The following HFM1 variants were observed in gnomAD, a reference collection of about 807,000 sequenced individuals.
HFM1 encodes probable ATP-dependent DNA helicase HFM1.
HFM1 carries 169 observed loss-of-function variants against 192.1 expected under a neutral mutation model. That is an observed-to-expected ratio of 0.88 (90% CI 0.78 to 1.00). The LOEUF is 1.00. HFM1 is among the 50% of genes least tolerant of loss of function. HFM1 has a pLI of 0.00. For missense variants in HFM1, 1,661 were observed against 1,668.0 expected (o/e 1.00, Z 0.07); for synonymous variants, 525 against 537.8 (o/e 0.98, Z 0.33).
chr1:91,264,021 A>C (rs1255269546), intron 36 of HFM1, among the ~76,000 whole-genome samples: 3 of 152,144 alleles, frequency 2.0e-5, no homozygotes, highest in Non-Finnish European at 4.4e-5. Flanking sequence ...ATATCCGTTT[A>C]TTCTATGTCA....
intron 13 of HFM1, among the ~76,000 whole-genome samples, chr1:91,355,532 T>C (rs1476656633): frequency 2.0e-5 from 3 of 152,166 alleles, no homozygotes; most frequent in African/African-American, 7.2e-5. Context: ...GAAAATATTC[T>C]ACATAAATAG....
chr1:91,386,886 C>A (rs1474793966), intron 4 of HFM1, among the ~76,000 whole-genome samples: 1 of 152,082 alleles, frequency 6.6e-6, no homozygotes, highest in Non-Finnish European at 1.5e-5. Flanking sequence ...GTGTATCCCC[C>A]CAAAAAGGAA....
At chr1:91,396,598 G>A (rs938469296) in intron 2 of HFM1, among the ~76,000 whole-genome samples, 193 bp from the exon 3 acceptor site, 2 of 152,026 alleles carry the variant, frequency 1.3e-5, no homozygotes, top group East Asian at 1.9e-4. Context: ...TAATGATACC[G>A]CTGTGTGAGA....
At chr1:91,345,084 T>C (rs1480185387) in intron 19 of HFM1, among the ~76,000 whole-genome samples, 1 of 152,112 alleles carries the variant, frequency 6.6e-6, no homozygotes, top group Non-Finnish European at 1.5e-5. Context: ...TATTTTGATA[T>C]AGAGTAAGGC....
chr1:91,356,559 G>T (rs775510956), intron 13 of HFM1, among the ~76,000 whole-genome samples: 4 of 151,558 alleles, frequency 2.6e-5, no homozygotes, highest in Admixed American at 6.6e-5. Context: ...GCTAGCAAAA[G>T]AACAAACTAA....
Position 91,323,106 on chromosome 1 carries a change from G to T in HFM1, c.2521C>A (p.Arg841=). 1 of 1,549,694 alleles carries T rather than the reference G, an allele frequency of 6.5e-7. No individual in the cohort carries two copies. Among genetic ancestry groups the T allele is most frequent in the African/African-American group, 1.4e-5 (1 of 73,348 alleles). ...TAATTTCTGTACCTGATAGTTATCC[G>T]ATTTGGATCTTTGTTCAAAGTATTC... is the stretch of plus-strand genomic sequence containing the variant. The part of the protein sequence containing the change: ...TLNTLNKDPN[R]ITIRFPMEGR... Residue 841 remains arginine, a synonymous_variant, in exon 22 of 39, where the codon CGG becomes AGG. Coordinates refer to ENST00000370425, the MANE Select transcript of HFM1 (RefSeq NM_001017975.6).
intron 4 of HFM1, among the ~76,000 whole-genome samples, chr1:91,391,069 G>C (rs1021475245): frequency 6.6e-6 from 1 of 152,164 alleles, no homozygotes; most frequent in African/African-American, 2.4e-5. Context: ...TCTTCAAGGA[G>C]AACTACAAAC....
intron 30 of HFM1, among the ~76,000 whole-genome samples, chr1:91,296,579 A>C (rs1647619405): frequency 6.6e-6 from 1 of 152,332 alleles, no homozygotes; most frequent in African/African-American, 2.4e-5. Context: ...ACCCTGCTGA[A>C]ATTGGGATGA....
chr1:91,375,278 G>C, intron 13 of HFM1, 80 bp downstream of exon 13: 1 of 946,022 alleles, frequency 1.1e-6, no homozygotes, highest in Non-Finnish European at 1.6e-6. Flanking sequence ...CCAAGGTTAT[G>C]GGACAAGCCT....
intron 30 of HFM1, among the ~76,000 whole-genome samples, chr1:91,282,790 C>T (rs2100835036): frequency 6.6e-6 from 1 of 152,224 alleles, no homozygotes; most frequent in Middle Eastern, 3.4e-3. Context: ...AAAAGCTTTG[C>T]AAGTTGCTGT....
intron 13 of HFM1, among the ~76,000 whole-genome samples, chr1:91,369,819 A>T (rs1659913716): frequency 6.6e-6 from 1 of 152,216 alleles, no homozygotes; most frequent in African/African-American, 2.4e-5. Flanking sequence ...TTTTGAGAAG[A>T]TCAACAAAAT....
intron 20 of HFM1, among the ~76,000 whole-genome samples, chr1:91,332,098 A>G (rs1218907329): frequency 2.6e-5 from 4 of 152,212 alleles, no homozygotes; most frequent in Admixed American, 2.0e-4. Context: ...GAAAGGGAAA[A>G]AAAAATCCTA....
intron 20 of HFM1, among the ~76,000 whole-genome samples, chr1:91,342,272 T>G (rs1428457658): frequency 4.1e-5 from 6 of 145,260 alleles, no homozygotes; most frequent in East Asian, 2.2e-4. Flanking sequence ...GAGAGAGAGA[T>G]AGGATTCAGG....
rs148872247 is a variant in HFM1 at position 91,343,479 on chromosome 1, T to C, written c.2286A>G (p.Ser762=). 2,007 of 1,432,114 alleles carry C rather than the reference T, an allele frequency of 1.4e-3. 54 individuals are homozygous for C. The South Asian group carries it at 0.026, about 18-fold the overall frequency. 88.7% of individuals were successfully genotyped at this position (1,432,114 alleles called of 1,614,324 possible). A position where few individuals can be genotyped will look rare whatever the true frequency, so the allele number is the denominator to read the frequency against. The part of the protein sequence containing the change: ...ELCLKNLNDL[S]SLDLIKMDEG... ...CATCCATCTTTATTAAGTCCAGGGA[T>C]GATAAATCATTCAGATTCTTCAAAC... is the stretch of plus-strand genomic sequence containing the variant. The change falls in exon 20 of 39, where the codon TCA becomes TCG. Residue 762 remains serine (S), a synonymous_variant. Coordinates refer to ENST00000370425, the MANE Select transcript of HFM1 (RefSeq NM_001017975.6).
At position 91,274,818 on chromosome 1, in the gene HFM1, GA is replaced by G. The variant is rs1666657147; in HGVS notation, c.3589-10del. ...GATTTATTCATCTGTATCTATTAAT[GA>G]AACAAAAATAAGTTCAACTATCAGT... On this transcript the variant is annotated splice_polypyrimidine_tract_variant and intron_variant, in intron 32 of 38. Transcript: ENST00000370425. The G allele has an allele frequency of 6.9e-7, 1 of 1,448,550 alleles. No homozygotes were observed. Among genetic ancestry groups the G allele is most frequent in the South Asian group, 1.2e-5 (1 of 82,316 alleles). 89.7% of individuals were successfully genotyped at this position (1,448,550 alleles called of 1,614,324 possible). A position where few individuals can be genotyped will look rare whatever the true frequency, so the allele number is the denominator to read the frequency against.
chr1:91,376,636 A>T lies in HFM1; in HGVS notation c.1396-909T>A, dbSNP rs115592013. Reference sequence around the variant, plus strand: ...AATGACATAACCTGGCAAGTTTTAAAAAAAGAACTCAAAGTAGTTGATAAA... The same window carrying T: ...AATGACATAACCTGGCAAGTTTTAATAAAAGAACTCAAAGTAGTTGATAAA... On this transcript the variant is annotated intron_variant, in intron 11 of 38. Coordinates refer to ENST00000370425, the MANE Select transcript of HFM1 (RefSeq NM_001017975.6). Among the ~76,000 whole-genome samples the T allele has an allele frequency of 9.0e-3, 1,363 of 152,070 alleles. 14 individuals carry two copies. The highest frequency in any genetic ancestry group is 0.031 in the African/African-American group (1,304 of 41,550).
chr1:91,363,668 A>C (rs912605498), intron 13 of HFM1, among the ~76,000 whole-genome samples: 6 of 152,356 alleles, frequency 3.9e-5, no homozygotes, highest in South Asian at 4.1e-4. Context: ...CATTTGACCT[A>C]GCAATCCCAT....
rs140819017 is a variant in HFM1 at position 91,379,758 on chromosome 1, A to G, written c.1006+346T>C. Reference sequence around the variant, plus strand: ...TATTTGATTTTTAATCCATATACATATATTACTTTGATTAAAAAAAATTTT... The same window carrying G: ...TATTTGATTTTTAATCCATATACATGTATTACTTTGATTAAAAAAAATTTT... On this transcript the variant is annotated intron_variant, in intron 8 of 38. Transcript: ENST00000370425. 6.5e-4 allele frequency among the ~76,000 whole-genome samples: 99 copies of G among 152,292 alleles called. No homozygotes were observed. The East Asian group carries it at 0.018, about 28-fold the overall frequency.
chr1:91,313,277 C>G (rs1235572369), intron 30 of HFM1, 72 bp downstream of exon 30: 4 of 848,546 alleles, frequency 4.7e-6, no homozygotes, highest in African/African-American at 1.7e-5. Flanking sequence ...TGTTGCAGTA[C>G]TATAACACTG....
Sources: gnomAD v4.1 joint callset for allele counts (sites outside exome capture counted in the v4.1 genomes callset) on GRCh38, gnomAD v4.1.1 for gene constraint, MANE v1.5 for transcripts, NCBI Gene and HGNC (gene_info 2026-07-23, HGNC 2026-07-21) for gene names.